ZMYM4: variants seen among roughly 807,000 people sequenced by gnomAD.
The protein encoded by ZMYM4 is zinc finger MYM-type containing 4, also known as zinc finger MYM-type protein 4.
In ZMYM4, 31 loss-of-function variants were observed where a neutral mutation model predicts 183.2. The ratio of observed to expected loss-of-function variants is 0.17; its 90% confidence interval spans 0.13 to 0.23. ZMYM4 has a LOEUF of 0.23. Among genes scored for constraint, ZMYM4 ranks in the 10% least tolerant of loss-of-function variants. The pLI, the probability that ZMYM4 is intolerant of heterozygous loss-of-function variation, is 1.00. For missense variants in ZMYM4, 1,273 were observed against 1,840.3 expected (o/e 0.69, Z 5.64); for synonymous variants, 592 against 631.2 (o/e 0.94, Z 0.93).
chr1:35,386,769 A>G (rs896469619), intron 11 of ZMYM4, among the ~76,000 whole-genome samples: 1 of 152,188 alleles, frequency 6.6e-6, no homozygotes, highest in Admixed American at 6.5e-5. Flanking sequence ...TATCACCCAT[A>G]TTATCTATTG....
At chr1:35,417,738 G>A (rs1459639387) in intron 28 of ZMYM4, among the ~76,000 whole-genome samples, 3 of 152,106 alleles carry the variant, frequency 2.0e-5, no homozygotes, top group Non-Finnish European at 2.9e-5. Flanking sequence ...GACCGGGCAC[G>A]GTGGTTCATG....
intron 1 of ZMYM4, among the ~76,000 whole-genome samples, chr1:35,308,475 G>A (rs915283574): frequency 6.6e-6 from 1 of 152,192 alleles, no homozygotes; most frequent in African/African-American, 2.4e-5. Flanking sequence ...TAATTTGGTG[G>A]TTGAGCTGGT....
chr1:35,408,289 C>T, intron 26 of ZMYM4, 130 bp downstream of exon 26: 1 of 1,193,814 alleles, frequency 8.4e-7, no homozygotes, highest in Non-Finnish European at 1.2e-6. Context: ...TTGTTTTTAA[C>T]AACAAATTGG....
intron 2 of ZMYM4, among the ~76,000 whole-genome samples, chr1:35,344,073 T>A (rs1643303000): frequency 6.6e-6 from 1 of 151,072 alleles, no homozygotes; most frequent in Non-Finnish European, 1.5e-5. Context: ...TTTTTTTTTT[T>A]GAGACATTCT....
intron 25 of ZMYM4, among the ~76,000 whole-genome samples, chr1:35,407,288 C>T (rs1396458693): frequency 1.3e-5 from 2 of 152,000 alleles, no homozygotes; most frequent in Non-Finnish European, 2.9e-5. Flanking sequence ...ACAAAATTAT[C>T]TGGGCATGGT....
intron 2 of ZMYM4, among the ~76,000 whole-genome samples, chr1:35,355,785 T>C (rs1338645273): frequency 6.6e-6 from 1 of 152,212 alleles, no homozygotes; most frequent in Non-Finnish European, 1.5e-5. Context: ...ATTACTAAAA[T>C]AATTCTTCCG....
chr1:35,384,519 C>T (rs1020438119), intron 9 of ZMYM4, among the ~76,000 whole-genome samples: 2 of 152,136 alleles, frequency 1.3e-5, no homozygotes, highest in Non-Finnish European at 1.5e-5. Context: ...TGGGTGAAGA[C>T]TTAAGATAAC....
At position 35,354,162 on chromosome 1, in the gene ZMYM4, G is replaced by A. The variant is rs555472869; in HGVS notation, c.86-4763G>A. On this transcript the variant is annotated intron_variant, in intron 2 of 29. Transcript: ENST00000314607. ...ATTCTGTCTCAAAAAAAGAAAGAAA[G>A]AAAAAAAAGAAATTGACATCTCTGA... is the stretch of plus-strand genomic sequence containing the variant. Among the ~76,000 whole-genome samples the A allele has an allele frequency of 1.5e-4, 22 of 151,606 alleles. 1 individual carries two copies. In the South Asian group the frequency reaches 4.2e-3, roughly 29 times the overall value.
At position 35,389,781 on chromosome 1, in the gene ZMYM4, ATGTGTG is replaced by A. The variant is rs139535337; in HGVS notation, c.2437-145_2437-140del. ...AAAAAAAAAAAAAATATATATATAT[ATGTGTG>A]TGTGTGTGTGTGTGTGTGTGTATAA... On this transcript the variant is annotated intron_variant, in intron 14 of 29. Coordinates refer to ENST00000314607, the MANE Select transcript of ZMYM4 (RefSeq NM_005095.3). This position sits in a 1 kb window ranked among gnomAD's most constrained non-coding sequence, Gnocchi z 4.0. Among the ~76,000 whole-genome samples the A allele has an allele frequency of 2.4e-4, 34 of 141,476 alleles. No homozygotes were observed. Among genetic ancestry groups the A allele is most frequent in the African/African-American group, 7.4e-4 (28 of 37,666 alleles). 92.8% of individuals were successfully genotyped at this position (141,476 alleles called of 152,430 possible).
At chr1:35,385,708 T>G (rs1644560905) in intron 10 of ZMYM4, 116 bp downstream of exon 10, 1 of 1,240,008 alleles carries the variant, frequency 8.1e-7, no homozygotes, top group Non-Finnish European at 1.1e-6. Flanking sequence ...ATTTCAGATA[T>G]TTGTTGTAAA....
intron 2 of ZMYM4, among the ~76,000 whole-genome samples, chr1:35,329,450 A>G (rs1448280826): frequency 6.6e-6 from 1 of 152,216 alleles, no homozygotes; most frequent in Non-Finnish European, 1.5e-5. Context: ...ATATTCAGAT[A>G]GTTGCTTCCT....
intron 2 of ZMYM4, among the ~76,000 whole-genome samples, chr1:35,357,724 A>G (rs947311949): frequency 1.3e-5 from 2 of 152,200 alleles, no homozygotes; most frequent in Admixed American, 1.3e-4. Context: ...ATGAGTTTTG[A>G]TTTTAGAGAT....
chr1:35,318,863 C>T (rs1234073395), intron 1 of ZMYM4, among the ~76,000 whole-genome samples: 1 of 152,166 alleles, frequency 6.6e-6, no homozygotes, highest in Admixed American at 6.5e-5. Flanking sequence ...TTTCATTTCC[C>T]TACACATTTA....
Position 35,387,175 on chromosome 1 carries a change from C to G in ZMYM4, c.2009C>G (p.Ala670Gly), listed in dbSNP as rs778823486. 3.5e-5 allele frequency: 56 copies of G among 1,614,134 alleles called. No homozygotes were observed. The highest frequency in any genetic ancestry group is 4.7e-5 in the Non-Finnish European group (56 of 1,180,054). The stretch of plus-strand genomic sequence containing the variant: ...GCTGCAGCTGGTCTCCAGCGTCTCG[C>G]TGCCCAGTCCCAGCATGTTGGGTTT... ...SSAAAGLQRLAAQSQHVGFAR... is the reference protein window; with the variant it reads ...SSAAAGLQRLGAQSQHVGFAR... The change falls in exon 12 of 30, where the codon GCT becomes GGT. Residue 670 changes from alanine to glycine, a missense_variant. Coordinates refer to ENST00000314607, the MANE Select transcript of ZMYM4 (RefSeq NM_005095.3).
chr1:35,369,758 T>C (rs1334278961), intron 5 of ZMYM4, among the ~76,000 whole-genome samples: 2 of 151,948 alleles, frequency 1.3e-5, no homozygotes, highest in African/African-American at 2.4e-5. Context: ...TTAATAAAAA[T>C]AAAATTAAAG....
At chr1:35,340,490 A>G (rs1643158458) in intron 2 of ZMYM4, among the ~76,000 whole-genome samples, 2 of 151,928 alleles carry the variant, frequency 1.3e-5, no homozygotes, top group Admixed American at 6.6e-5. Context: ...AATCAGTGGG[A>G]ACCCTGGTCT....
chr1:35,392,356 T>C lies in ZMYM4; in HGVS notation c.2728+4T>C. 1 of 1,610,944 alleles carries C rather than the reference T, an allele frequency of 6.2e-7. No individual in the cohort carries two copies. Among genetic ancestry groups the C allele is most frequent in the Non-Finnish European group, 8.5e-7 (1 of 1,179,074 alleles). On this transcript the variant is annotated splice_donor_region_variant and intron_variant, in intron 16 of 29. Coordinates refer to ENST00000314607, the MANE Select transcript of ZMYM4 (RefSeq NM_005095.3). The stretch of plus-strand genomic sequence containing the variant: ...AATTCTAACAGTGTCTTACAAGGTA[T>C]GGCTTGATTGGAAAGCATTTATCTA...
chr1:35,291,729 C>T (rs1369530066), intron 1 of ZMYM4, among the ~76,000 whole-genome samples: 1 of 151,550 alleles, frequency 6.6e-6, no homozygotes, highest in Non-Finnish European at 1.5e-5. Flanking sequence ...CCTATGCCTC[C>T]TGAGTTCAAG....
intron 1 of ZMYM4, chr1:35,295,872 G>C (rs934546069): frequency 2.0e-5 from 3 of 152,132 alleles, no homozygotes; most frequent in Non-Finnish European, 2.9e-5. Context: ...TTGGCCACCA[G>C]ATTTAGCCAT....
Sources: gnomAD v4.1 joint callset for allele counts (sites outside exome capture counted in the v4.1 genomes callset) on GRCh38, gnomAD v4.1.1 for gene constraint, Gnocchi (gnomAD v3.1) non-coding constraint, MANE v1.5 for transcripts, NCBI Gene and HGNC (gene_info 2026-07-23, HGNC 2026-07-21) for gene names.